LARGE1: variants seen among roughly 807,000 people sequenced by gnomAD.
The protein encoded by LARGE1 is xylosyl- and glucuronyltransferase LARGE1.
LARGE1 carries 43 observed loss-of-function variants against 87.6 expected under a neutral mutation model. The observed-to-expected ratio is 0.49, with a 90% confidence interval of 0.38 to 0.63. The LOEUF (loss-of-function observed/expected upper bound fraction) is 0.63. LARGE1 is among the 30% of genes least tolerant of loss of function. LARGE1 has a pLI of 0.00. For missense variants in LARGE1, 802 were observed against 1,000.2 expected, an observed-to-expected ratio of 0.80 and a Z score of 2.67; for synonymous variants, 434 against 394.6, an observed-to-expected ratio of 1.10 and a Z score of -1.18.
chr22:33,718,276 C>T (rs1306050148), intron 2 of LARGE1, among the ~76,000 whole-genome samples: 1 of 152,146 alleles, frequency 6.6e-6, no homozygotes, highest in Non-Finnish European at 1.5e-5. Context: ...CTAAGTGTGA[C>T]CCATCAGGAC....
intron 1 of LARGE1, among the ~76,000 whole-genome samples, chr22:33,819,759 T>C (rs931659381): frequency 1.4e-4 from 21 of 152,184 alleles, no homozygotes; most frequent in African/African-American, 5.1e-4. Context: ...TCTGTAACCC[T>C]AAGGAAATTT....
the LARGE1 span, among the ~76,000 whole-genome samples, chr22:33,132,019 G>A: frequency 2.0e-5 from 3 of 150,878 alleles, no homozygotes; most frequent in South Asian, 4.2e-4. Context: ...TCACTATCAC[G>A]AGAACAGCCC....
chr22:33,195,410 C>T (rs1478418135), intron 11 of LARGE1, among the ~76,000 whole-genome samples: 3 of 152,022 alleles, frequency 2.0e-5, no homozygotes, highest in African/African-American at 7.2e-5. Flanking sequence ...TTATATTTAT[C>T]ATTATTGGCT....
intron 6 of LARGE1, among the ~76,000 whole-genome samples, chr22:33,522,660 A>G (rs147350973): frequency 0.025 from 3,792 of 152,028 alleles, 125 homozygotes; most frequent in African/African-American, 0.077. Flanking sequence ...GTGAAACCCC[A>G]TCTGTACTAA....
intron 1 of LARGE1, among the ~76,000 whole-genome samples, chr22:33,854,881 G>A (rs563820374): frequency 1.3e-5 from 2 of 152,278 alleles, no homozygotes; most frequent in East Asian, 1.9e-4. Flanking sequence ...GTGCTGTGGG[G>A]TGCCATGTTG....
chr22:33,276,976 T>A (rs1929430121), intron 14 of LARGE1, 84 bp downstream of exon 14: 1 of 1,328,320 alleles, frequency 7.5e-7, no homozygotes, highest in Non-Finnish European at 1.1e-6. Context: ...CTCTCTGCTT[T>A]CTTGTCTCCA....
At chr22:33,550,573 G>A (rs2077496197) in intron 6 of LARGE1, among the ~76,000 whole-genome samples, 1 of 152,222 alleles carries the variant, frequency 6.6e-6, no homozygotes, top group African/African-American at 2.4e-5. Flanking sequence ...TAGTGAGGAT[G>A]TGGAGAAGAC....
chr22:33,769,612 T>C (rs1041982803), intron 1 of LARGE1, among the ~76,000 whole-genome samples: 1 of 152,132 alleles, frequency 6.6e-6, no homozygotes, highest in Admixed American at 6.5e-5. Flanking sequence ...TCCAAGTCCA[T>C]CTATGGAATG....
chr22:33,259,341 CA>C (rs66906104), intron 11 of LARGE1, among the ~76,000 whole-genome samples: 4,505 of 151,432 alleles, frequency 0.03, 227 homozygotes, highest in African/African-American at 0.1. Flanking sequence ...CACACACACA[CA>C]CACACAAACA....
the LARGE1 span, among the ~76,000 whole-genome samples, chr22:33,136,426 G>C: frequency 3.9e-5 from 6 of 152,188 alleles, no homozygotes; most frequent in African/African-American, 1.2e-4. Flanking sequence ...CATGAGAACA[G>C]TATGGGAGAA....
chr22:33,467,548 C>T (rs189620976), intron 6 of LARGE1, among the ~76,000 whole-genome samples: 12 of 152,250 alleles, frequency 7.9e-5, no homozygotes, highest in East Asian at 7.7e-4. Flanking sequence ...TTGATGTTAC[C>T]GGAAAGTAAA....
At chr22:33,297,750 T>C (rs577469923) in intron 12 of LARGE1, among the ~76,000 whole-genome samples, 2 of 151,456 alleles carry the variant, frequency 1.3e-5, no homozygotes, top group South Asian at 4.2e-4. Context: ...GAGGCCGAGG[T>C]GGGCGGATCA....
At chr22:33,866,512 G>A (rs1376822957) in intron 1 of LARGE1, among the ~76,000 whole-genome samples, 1 of 152,210 alleles carries the variant, frequency 6.6e-6, no homozygotes. Flanking sequence ...GAAGGTGAAG[G>A]AGTAGCTTGA....
At chr22:33,576,282 T>C (rs555339409) in intron 5 of LARGE1, among the ~76,000 whole-genome samples, 4 of 152,354 alleles carry the variant, frequency 2.6e-5, no homozygotes, top group African/African-American at 7.2e-5. Context: ...GATGGGGATA[T>C]ACTGATGCAC....
At chr22:33,735,828 T>A (rs2083636027) in intron 2 of LARGE1, among the ~76,000 whole-genome samples, 1 of 152,138 alleles carries the variant, frequency 6.6e-6, no homozygotes, top group Non-Finnish European at 1.5e-5. Context: ...AAACCACCAA[T>A]CTACTTTCTA....
chr22:33,159,760 A>AT (rs1157854544), downstream of LARGE1, among the ~76,000 whole-genome samples: 11 of 150,952 alleles, frequency 7.3e-5, no homozygotes, highest in Admixed American at 1.3e-4. Context: ...AATTTTTTGT[A>AT]TTTTTTTTAG....
the LARGE1 span, among the ~76,000 whole-genome samples, chr22:33,071,924 C>A: frequency 6.6e-6 from 1 of 152,300 alleles, no homozygotes. Flanking sequence ...GGCTATCAAG[C>A]CTCTGGATTC....
chr22:33,770,528 TAA>T (rs1282029657), intron 1 of LARGE1, among the ~76,000 whole-genome samples: 1 of 151,782 alleles, frequency 6.6e-6, no homozygotes, highest in African/African-American at 2.4e-5. Flanking sequence ...TAAAAAAATG[TAA>T]AGACTTTAGC....
intron 2 of LARGE1, among the ~76,000 whole-genome samples, chr22:33,730,094 C>A (rs1300622544): frequency 6.6e-6 from 1 of 152,104 alleles, no homozygotes; most frequent in Non-Finnish European, 1.5e-5. Context: ...CACAAATACA[C>A]AGATTTTCTC....
Sources: allele counts gnomAD v4.1 joint callset (sites outside exome capture counted in the v4.1 genomes callset), GRCh38; gene constraint gnomAD v4.1.1; transcripts MANE v1.5; gene names NCBI Gene and HGNC (gene_info 2026-07-23, HGNC 2026-07-21).